Variants in AGBL4 observed in about 807,000 individuals in gnomAD.
The protein encoded by AGBL4 is cytosolic carboxypeptidase 6.
A neutral mutation model predicts 66.4 loss-of-function variants in AGBL4; 58 were observed. The ratio of observed to expected loss-of-function variants is 0.87; its 90% confidence interval spans 0.71 to 1.09. The LOEUF (loss-of-function observed/expected upper bound fraction) is 1.09. Among genes scored for constraint, AGBL4 ranks in the 50% least tolerant of loss-of-function variants. The pLI is 0.00. For missense variants in AGBL4, 579 were observed against 631.0 expected (o/e 0.92, Z 0.88); for synonymous variants, 234 against 222.9 (o/e 1.05, Z -0.44).
In AGBL4 at chr1:49,431,822, T is replaced by A. The variant is rs59856918; in HGVS notation, c.283-185958A>T. ...AAGAGAAAATATGTAGGATAAAGAATAAGATAAAAATCACTGGTAATACTG... is the reference window on the plus strand; with the variant it reads ...AAGAGAAAATATGTAGGATAAAGAAAAAGATAAAAATCACTGGTAATACTG... On this transcript the variant is annotated intron_variant, in intron 3 of 13. Transcript: ENST00000371839. 1.5e-3 allele frequency among the ~76,000 whole-genome samples: 227 copies of A among 152,262 alleles called. 9 individuals are homozygous for A. The East Asian group carries it at 0.04, about 27-fold the overall frequency.
At chr1:49,630,114 C>T (rs1396034179) in intron 3 of AGBL4, among the ~76,000 whole-genome samples, 1 of 152,134 alleles carries the variant, frequency 6.6e-6, no homozygotes, top group East Asian at 1.9e-4. Context: ...GTCTATATTA[C>T]TTCAGAGCAT....
intron 3 of AGBL4, among the ~76,000 whole-genome samples, chr1:49,394,903 T>G (rs1443474704): frequency 6.6e-6 from 1 of 152,194 alleles, no homozygotes; most frequent in African/African-American, 2.4e-5. Flanking sequence ...CTGGTCTCTC[T>G]GCCTAATGCT....
intron 4 of AGBL4, among the ~76,000 whole-genome samples, chr1:49,065,756 T>C (rs1045789431): frequency 6.6e-6 from 1 of 152,176 alleles, no homozygotes; most frequent in African/African-American, 2.4e-5. Flanking sequence ...AAGTGTCCGC[T>C]AAAATAGAAG....
intron 3 of AGBL4, among the ~76,000 whole-genome samples, chr1:49,277,123 C>A (rs1274212267): frequency 1.3e-5 from 2 of 152,062 alleles, no homozygotes; most frequent in African/African-American, 2.4e-5. Flanking sequence ...AGTTTATAGT[C>A]CCAATATACT....
chr1:49,373,476 T>C (rs1054288309), intron 3 of AGBL4, among the ~76,000 whole-genome samples: 1 of 151,944 alleles, frequency 6.6e-6, no homozygotes, highest in Admixed American at 6.6e-5. Context: ...TGCTAGAAAA[T>C]AGGCCATAAT....
intron 3 of AGBL4, among the ~76,000 whole-genome samples, chr1:49,539,306 G>A (rs1380763471): frequency 6.6e-6 from 1 of 152,060 alleles, no homozygotes; most frequent in East Asian, 1.9e-4. Context: ...TTACTTATCT[G>A]TATTTCTGAT....
intron 4 of AGBL4, among the ~76,000 whole-genome samples, chr1:49,133,522 G>C (rs968811616): frequency 5.9e-5 from 9 of 152,092 alleles, no homozygotes; most frequent in South Asian, 2.1e-4. Flanking sequence ...TTAAATACAT[G>C]TAAAACAAAA....
rs12037643 is a variant in AGBL4, at chr1:48,746,303, G to A, written c.635-83062C>T. 8.4e-4 allele frequency among the ~76,000 whole-genome samples: 128 copies of A among 152,116 alleles called. 2 individuals are homozygous for A. In the East Asian group the frequency reaches 0.015, roughly 18 times the overall value. On this transcript the variant is annotated intron_variant, in intron 6 of 13. Coordinates refer to ENST00000371839, the MANE Select transcript of AGBL4 (RefSeq NM_032785.4). Reference sequence around the variant, plus strand: ...AAGTTACACTTGTGCGCTTAAGTTCGTCTCTACTAAAGCATAGGTTCTGTG... The same window carrying A: ...AAGTTACACTTGTGCGCTTAAGTTCATCTCTACTAAAGCATAGGTTCTGTG...
chr1:49,289,925 G>T (rs949861942), intron 3 of AGBL4, among the ~76,000 whole-genome samples: 4 of 151,772 alleles, frequency 2.6e-5, no homozygotes, highest in Admixed American at 6.6e-5. Context: ...TCTTTAAAAG[G>T]GTTAATGAAA....
chr1:48,853,585 AG>A (rs1218667861), intron 6 of AGBL4, among the ~76,000 whole-genome samples: 7 of 152,228 alleles, frequency 4.6e-5, no homozygotes, highest in Non-Finnish European at 1.0e-4. Flanking sequence ...GTAAAATGGA[AG>A]TAAGGCACTG....
intron 4 of AGBL4, among the ~76,000 whole-genome samples, chr1:49,241,764 CAAGA>C (rs1163789745): frequency 6.6e-6 from 1 of 151,880 alleles, no homozygotes. Context: ...GGGTGAATTA[CAAGA>C]AAGGAGAAAA....
At chr1:49,392,738 A>G (rs1644878215) in intron 3 of AGBL4, among the ~76,000 whole-genome samples, 1 of 150,144 alleles carries the variant, frequency 6.7e-6, no homozygotes, top group African/African-American at 2.5e-5. Flanking sequence ...CACACACATC[A>G]TATACATGCA....
chr1:49,686,330 T>A (rs1571327740), intron 3 of AGBL4, among the ~76,000 whole-genome samples: 1 of 152,178 alleles, frequency 6.6e-6, no homozygotes, highest in Non-Finnish European at 1.5e-5. Context: ...CCTCGGCTCC[T>A]CCAGCACAGT....
chr1:48,528,596 A>C (rs992555318), downstream of AGBL4, among the ~76,000 whole-genome samples: 1 of 152,016 alleles, frequency 6.6e-6, no homozygotes, highest in Non-Finnish European at 1.5e-5. Context: ...TGTCCTAGTT[A>C]CTTACTGGCT....
intron 1 of AGBL4, among the ~76,000 whole-genome samples, chr1:50,017,915 A>G (rs1293947136): frequency 6.6e-6 from 1 of 152,216 alleles, no homozygotes; most frequent in Non-Finnish European, 1.5e-5. Context: ...AAATAAAAAT[A>G]CAAACATACA....
chr1:48,901,618 A>C (rs957778082), intron 5 of AGBL4, among the ~76,000 whole-genome samples: 2 of 152,236 alleles, frequency 1.3e-5, no homozygotes, highest in African/African-American at 4.8e-5. Context: ...CCTGACAAAA[A>C]GCATACATAT....
intron 1 of AGBL4, among the ~76,000 whole-genome samples, chr1:49,975,625 A>T (rs774594191): frequency 2.6e-5 from 4 of 152,178 alleles, no homozygotes; most frequent in Non-Finnish European, 5.9e-5. Flanking sequence ...TGGAAATATC[A>T]CAGAATTTGT....
intron 3 of AGBL4, among the ~76,000 whole-genome samples, chr1:49,522,675 G>T (rs1017289633): frequency 6.6e-6 from 1 of 151,984 alleles, no homozygotes; most frequent in African/African-American, 2.4e-5. Flanking sequence ...ATCACAAATG[G>T]ACCCTTTCAC....
intron 2 of AGBL4, among the ~76,000 whole-genome samples, chr1:49,800,235 T>C (rs2147946448): frequency 6.6e-6 from 1 of 152,318 alleles, no homozygotes; most frequent in South Asian, 2.1e-4. Flanking sequence ...GTAATATGTA[T>C]GTGATTACAA....
Sources: gnomAD v4.1 joint callset for allele counts (sites outside exome capture counted in the v4.1 genomes callset) on GRCh38, gnomAD v4.1.1 for gene constraint, MANE v1.5 for transcripts, NCBI Gene and HGNC (gene_info 2026-07-23, HGNC 2026-07-21) for gene names.